ESRRG: variants seen among roughly 807,000 people sequenced by gnomAD.
ESRRG encodes estrogen related receptor gamma.
In ESRRG, 13 loss-of-function variants were observed where a neutral mutation model predicts 44.0. The observed-to-expected ratio is 0.30, with a 90% CI of 0.19 to 0.47. The LOEUF is 0.47. Ranked by LOEUF, ESRRG falls within the 20% of genes least tolerant of loss-of-function variation. The pLI is 1.00. For missense variants in ESRRG, 395 were observed against 580.6 expected, an observed-to-expected ratio of 0.68 and a Z score of 3.29; for synonymous variants, 215 against 214.6, an observed-to-expected ratio of 1.00 and a Z score of -0.02.
chr1:216,519,511 A>C (rs2045413704), intron 5 of ESRRG, 90 bp from the exon 6 acceptor site: 1 of 1,262,476 alleles, frequency 7.9e-7, no homozygotes, highest in Non-Finnish European at 1.1e-6. Context: ...CTTCTGCATC[A>C]GTGCTCAAAA....
At chr1:216,560,775 G>C (rs1370637911) in intron 5 of ESRRG, among the ~76,000 whole-genome samples, 1 of 152,114 alleles carries the variant, frequency 6.6e-6, no homozygotes, top group African/African-American at 2.4e-5. Flanking sequence ...GAGATTAGAG[G>C]CGACAGCGTT....
intron 1 of ESRRG, among the ~76,000 whole-genome samples, chr1:216,970,626 T>A (rs1461865507): frequency 6.6e-6 from 1 of 152,214 alleles, no homozygotes; most frequent in Non-Finnish European, 1.5e-5. Context: ...AACCTAATCA[T>A]GGTTTATCTG....
In ESRRG at chr1:216,580,227, TG is replaced by T. The variant is rs1189262768; in HGVS notation, c.590-12130del. Among the ~76,000 whole-genome samples, 10 of 152,358 alleles carry T rather than the reference TG, an allele frequency of 6.6e-5. No individual in the cohort carries two copies. In the East Asian group the frequency reaches 1.9e-3, roughly 29 times the overall value. On this transcript the variant is annotated intron_variant, in intron 3 of 6. Transcript: ENST00000408911. Reference sequence around the variant, plus strand: ...TACAGCCATGCACTATGATGATTTTTGTTTTTCTTTTGGTAATTCTAAAACT... The same window carrying T: ...TACAGCCATGCACTATGATGATTTTTTTTTTCTTTTGGTAATTCTAAAACT...
At chr1:217,025,772 A>G (rs1332568088) in intron 1 of ESRRG, among the ~76,000 whole-genome samples, 1 of 152,204 alleles carries the variant, frequency 6.6e-6, no homozygotes, top group Admixed American at 6.5e-5. Context: ...TTATTACATT[A>G]ATAAATTGTT....
At chr1:216,583,989 A>C (rs994377331) in intron 3 of ESRRG, among the ~76,000 whole-genome samples, 1 of 152,200 alleles carries the variant, frequency 6.6e-6, no homozygotes, top group African/African-American at 2.4e-5. Context: ...ACACATGGGA[A>C]TTCAAGATGA....
At chr1:217,100,426 C>G (rs2092493207) in intron 1 of ESRRG, among the ~76,000 whole-genome samples, 1 of 152,184 alleles carries the variant, frequency 6.6e-6, no homozygotes, top group South Asian at 2.1e-4. Flanking sequence ...AGTATCTTTT[C>G]CAATCCTACT....
At chr1:216,803,405 C>T (rs189276302) in intron 2 of ESRRG, among the ~76,000 whole-genome samples, 231 of 152,222 alleles carry the variant, frequency 1.5e-3, no homozygotes, top group African/African-American at 5.1e-3. Context: ...GTCCCCCGCC[C>T]CATCACCAAA....
intron 1 of ESRRG, among the ~76,000 whole-genome samples, chr1:217,030,615 G>A (rs1350103477): frequency 6.6e-6 from 1 of 152,116 alleles, no homozygotes; most frequent in East Asian, 1.9e-4. Flanking sequence ...CAGTTCTAAG[G>A]TCTTCATTGT....
intron 1 of ESRRG, among the ~76,000 whole-genome samples, chr1:217,098,016 C>A (rs1386454968): frequency 6.6e-6 from 1 of 152,170 alleles, no homozygotes; most frequent in African/African-American, 2.4e-5. Flanking sequence ...TATTGCTTTA[C>A]AATCCCCAAG....
At position 217,012,443 on chromosome 1, in the gene ESRRG, C is replaced by T. The variant is rs116193405; in HGVS notation, c.-105-72770G>A. ...ATCCCACCTGTTATCTTGGAAACTGCTACTGCTACATACCTAGCTTGATAG... is the reference window on the plus strand; with the variant it reads ...ATCCCACCTGTTATCTTGGAAACTGTTACTGCTACATACCTAGCTTGATAG... On this transcript the variant is annotated intron_variant, in intron 1 of 7. Transcript: ENST00000359162. Among the ~76,000 whole-genome samples the T allele has an allele frequency of 3.6e-3, 542 of 152,266 alleles. 4 individuals are homozygous for T. The highest frequency in any genetic ancestry group is 5.9e-3 in the Non-Finnish European group (400 of 68,012).
chr1:216,855,430 G>A (rs2095914164), intron 2 of ESRRG, among the ~76,000 whole-genome samples: 1 of 152,118 alleles, frequency 6.6e-6, no homozygotes, highest in African/African-American at 2.4e-5. Context: ...AAAAATATCT[G>A]TGGGTATATT....
At chr1:216,737,168 A>G (rs905810979) in intron 2 of ESRRG, among the ~76,000 whole-genome samples, 1 of 152,186 alleles carries the variant, frequency 6.6e-6, no homozygotes, top group Non-Finnish European at 1.5e-5. Context: ...TTCTCTGGCT[A>G]GTATATGTCT....
At chr1:216,531,991 G>A (rs939744995) in intron 5 of ESRRG, among the ~76,000 whole-genome samples, 1 of 152,062 alleles carries the variant, frequency 6.6e-6, no homozygotes, top group African/African-American at 2.4e-5. Flanking sequence ...AAGGAAATAC[G>A]TGAAGGAAAA....
intron 2 of ESRRG, among the ~76,000 whole-genome samples, chr1:216,821,229 G>C (rs2095280400): frequency 1.3e-5 from 2 of 152,096 alleles, no homozygotes; most frequent in African/African-American, 2.4e-5. Flanking sequence ...ACCCTCACTA[G>C]GACGTGCAGT....
intron 2 of ESRRG, among the ~76,000 whole-genome samples, chr1:216,790,606 A>C (rs1000106592): frequency 2.6e-5 from 4 of 152,162 alleles, no homozygotes; most frequent in Non-Finnish European, 4.4e-5. Context: ...GTGTAAGATT[A>C]AAAATATATA....
chr1:216,810,753 G>C (rs1469118847), intron 2 of ESRRG, among the ~76,000 whole-genome samples: 1 of 146,942 alleles, frequency 6.8e-6, no homozygotes, highest in East Asian at 2.0e-4. Context: ...ATAACTCTAT[G>C]ATATATATAA....
intron 2 of ESRRG, among the ~76,000 whole-genome samples, chr1:216,777,145 A>C (rs1360468731): frequency 6.6e-6 from 1 of 152,114 alleles, no homozygotes; most frequent in Non-Finnish European, 1.5e-5. Flanking sequence ...GCAGTGACAT[A>C]TTTTGTGACA....
chr1:217,035,748 G>A (rs915428334), intron 1 of ESRRG, among the ~76,000 whole-genome samples: 1 of 151,824 alleles, frequency 6.6e-6, no homozygotes, highest in African/African-American at 2.4e-5. Flanking sequence ...ACTTGTCAGA[G>A]TTTTAAGGAG....
intron 1 of ESRRG, among the ~76,000 whole-genome samples, chr1:216,999,501 C>T (rs2076759104): frequency 1.3e-5 from 2 of 152,100 alleles, no homozygotes; most frequent in East Asian, 1.9e-4. Flanking sequence ...ACCAACTTTA[C>T]ACAGCTGCTA....
Sources: allele counts gnomAD v4.1 joint callset (sites outside exome capture counted in the v4.1 genomes callset), GRCh38; gene constraint gnomAD v4.1.1; transcripts MANE v1.5; gene names NCBI Gene and HGNC (gene_info 2026-07-23, HGNC 2026-07-21).